CACNA1G: variants seen among roughly 807,000 people sequenced by gnomAD.
The protein encoded by CACNA1G is calcium voltage-gated channel subunit alpha1 G, also known as voltage-dependent T-type calcium channel subunit alpha-1G.
Under a neutral mutation model 219.4 loss-of-function variants are expected in CACNA1G, and 67 were observed. The ratio of observed to expected loss-of-function variants is 0.31; its 90% CI spans 0.25 to 0.37. The LOEUF is 0.37. CACNA1G is among the 10% of genes least tolerant of loss of function. The probability of loss-of-function intolerance (pLI) is 1.00; values close to 1 mark genes in which losing one functional copy is unlikely to be tolerated. For synonymous variants in CACNA1G, 1,296 were observed against 1,345.3 expected (o/e 0.96, Z 0.80); for missense variants, 2,380 against 3,231.4 (o/e 0.74, Z 6.39).
At chr17:50,583,769 G>C (rs577499320) in intron 9 of CACNA1G, among the ~76,000 whole-genome samples, 117 of 152,282 alleles carry the variant, frequency 7.7e-4, no homozygotes, top group African/African-American at 2.6e-3. Flanking sequence ...AGGACAGTCA[G>C]GTTTTCCTCC....
chr17:50,599,530 C>T lies in CACNA1G; in HGVS notation c.3361C>T (p.Arg1121Trp), dbSNP rs2046199315. ...NSLGRAPSLKRRSPSGERRSL... is the reference protein window; with the variant it reads ...NSLGRAPSLKWRSPSGERRSL... ...CCTCGGCCGTGCACCCAGCCTGAAG[C>T]GGAGAAGCCCAAGTGGAGAGCGGCG... is the stretch of plus-strand genomic sequence containing the variant. Residue 1121 changes from arginine (R) to tryptophan (W), a missense_variant, in exon 17 of 38, where the codon CGG (arginine) becomes TGG (tryptophan). Transcript: ENST00000359106. The T allele has an allele frequency of 1.9e-6, 3 of 1,611,796 alleles. No individual in the cohort carries two copies. The highest frequency in any genetic ancestry group is 2.2e-5 in the East Asian group (1 of 44,824).
At chr17:50,615,744 AG>A (rs1285064859) in intron 27 of CACNA1G, among the ~76,000 whole-genome samples, 1 of 152,256 alleles carries the variant, frequency 6.6e-6, no homozygotes, top group African/African-American at 2.4e-5. Flanking sequence ...AAGGGAGTGG[AG>A]GACCTGGTTT....
intron 13 of CACNA1G, 58 bp from the exon 14 acceptor site, chr17:50,594,935 T>C: frequency 1.5e-6 from 2 of 1,345,912 alleles, no homozygotes; most frequent in Non-Finnish European, 1.0e-6. Context: ...TGCCGATATC[T>C]GAAGGCCCCG....
In CACNA1G at chr17:50,596,904, C is replaced by G. The variant is rs1454817743; in HGVS notation, c.3239C>G (p.Ala1080Gly). Reference sequence around the variant, plus strand: ...AGCGGGTCGGCAGAGCCTGGGGCGGCCCACGAGATGAAGTCACCGGTAGGG... The same window carrying G: ...AGCGGGTCGGCAGAGCCTGGGGCGGGCCACGAGATGAAGTCACCGGTAGGG... ...SSSGSAEPGAAHEMKSPPSAR... is the reference protein window; with the variant it reads ...SSSGSAEPGAGHEMKSPPSAR... The change falls in exon 16 of 38, where the codon GCC becomes GGC. Residue 1080 changes from alanine to glycine, a missense_variant. Physicochemically the swap from Ala to Gly is moderately conservative, Grantham distance 60. This residue lies in a region of CACNA1G where 418 missense variants were observed against 434.3 expected (regional missense o/e 0.96). Coordinates refer to ENST00000359106, the MANE Select transcript of CACNA1G (RefSeq NM_018896.5). This position sits in a 1 kb window ranked among gnomAD's most constrained non-coding sequence, Gnocchi z 4.8. 4 of 1,565,900 alleles carry G rather than the reference C, an allele frequency of 2.6e-6. No homozygotes were observed. The African/African-American group carries it at 4.1e-5, about 16-fold the overall frequency.
chr17:50,624,324 T>TCCCCCCCCCCCCCCCCCCCGGC, intron 36 of CACNA1G, 36 bp from the exon 37 acceptor site: 2 of 1,177,664 alleles, frequency 1.7e-6, no homozygotes, highest in Non-Finnish European at 2.4e-6. Context: ...CTCCATTCTC[T>TCCCCCCCCCCCCCCCCCCCGGC]CCCCCCACCC....
Position 50,564,938 on chromosome 17 carries a change from C to T in CACNA1G, c.242+3237C>T, listed in dbSNP as rs537175578. 1.1e-4 allele frequency among the ~76,000 whole-genome samples: 16 copies of T among 152,264 alleles called. No homozygotes were observed. The South Asian group carries it at 2.1e-3, about 20-fold the overall frequency. The stretch of plus-strand genomic sequence containing the variant: ...GGTCACACACACATTCCTTCCCACC[C>T]GCTCTGCTCCACCGCTCTGCTGGGG... On this transcript the variant is annotated intron_variant, in intron 1 of 37. Transcript: ENST00000359106.
At position 50,604,166 on chromosome 17, in the gene CACNA1G, G is replaced by T; in HGVS notation, c.4181G>T (p.Arg1394Leu). Residue 1394 changes from arginine to leucine, a missense_variant, in exon 22 of 38, where the codon CGG becomes CTG. Around this residue, in one of 17 missense-constraint regions of CACNA1G, gnomAD observed 153 missense variants for 374.9 expected, o/e 0.41. Transcript: ENST00000359106. Reference sequence around the variant, plus strand: ...CCTCCCCTCCCCAGGGTGATCAGCCGGGCGCAGGGGCTGAAGCTGGTGGTG... The same window carrying T: ...CCTCCCCTCCCCAGGGTGATCAGCCTGGCGCAGGGGCTGAAGCTGGTGGTG... ...RTLRPLRVIS[R>L]AQGLKLVVET... The T allele has an allele frequency of 6.2e-7, 1 of 1,613,276 alleles. No individual in the cohort carries two copies. The highest frequency in any genetic ancestry group is 8.5e-7 in the Non-Finnish European group (1 of 1,179,420).
At chr17:50,616,423 G>A (rs2050616950) in intron 28 of CACNA1G, 39 bp downstream of exon 28, 2 of 1,213,558 alleles carry the variant, frequency 1.6e-6, no homozygotes, top group Non-Finnish European at 1.2e-6. Context: ...CTTGCGTAGA[G>A]ATAGAAAGGA....
In CACNA1G at chr17:50,561,277, C is replaced by T. The variant is rs2144138715; in HGVS notation, c.-183C>T. The T allele has an allele frequency of 1.6e-6, 1 of 630,394 alleles. No homozygotes were observed. The highest frequency in any genetic ancestry group is 3.2e-5 in the East Asian group (1 of 31,304). 39.1% of individuals were successfully genotyped at this position (630,394 alleles called of 1,614,324 possible). A position where few individuals can be genotyped will look rare whatever the true frequency, so the allele number is the denominator to read the frequency against. ...GGTTTCCCTGCGCCCCGGCGCCCCG[C>T]GGGCAGCATGCCCCTGCGGGCAGGG... On this transcript the variant is annotated 5_prime_UTR_variant, in exon 1 of 38. Transcript: ENST00000359106.
At chr17:50,607,032 C>G in intron 24 of CACNA1G, 43 bp downstream of exon 24, 1 of 1,437,104 alleles carries the variant, frequency 7.0e-7, no homozygotes, top group Non-Finnish European at 9.8e-7. Flanking sequence ...GCTCAGGTCA[C>G]TCAGCATGGG....
Position 50,626,196 on chromosome 17 carries a change from G to T in CACNA1G, c.6579G>T (p.Pro2193=), listed in dbSNP as rs57667003. ...SHSKISKHMT[P]PAPCPGPEPN... ...GCAAGATCTCCAAGCACATGACCCC[G>T]CCAGCCCCTTGCCCAGGCCCAGAAC... Residue 2193 remains proline (P), a synonymous_variant, in exon 38 of 38, where the codon CCG becomes CCT. Transcript: ENST00000359106. This position sits in a 1 kb window ranked among gnomAD's most constrained non-coding sequence, Gnocchi z 4.3. 1.1e-5 allele frequency: 17 copies of T among 1,613,746 alleles called. No individual in the cohort carries two copies. In the African/African-American group the frequency reaches 2.0e-4, roughly 19 times the overall value.
chr17:50,613,368 G>A (rs926838948), intron 26 of CACNA1G, among the ~76,000 whole-genome samples: 1 of 152,160 alleles, frequency 6.6e-6, no homozygotes, highest in Non-Finnish European at 1.5e-5. Context: ...CAGACCTCAG[G>A]GGCCGGGACC....
intron 13 of CACNA1G, among the ~76,000 whole-genome samples, 163 bp downstream of exon 13, chr17:50,592,255 C>T (rs968063742): frequency 6.6e-6 from 1 of 152,170 alleles, no homozygotes; most frequent in Non-Finnish European, 1.5e-5. Flanking sequence ...CGGGAGGCTC[C>T]AGATCTCGTG....
At chr17:50,582,378 G>A (rs930952133) in intron 9 of CACNA1G, among the ~76,000 whole-genome samples, 1 of 152,312 alleles carries the variant, frequency 6.6e-6, no homozygotes, top group African/African-American at 2.4e-5. Context: ...GAGGGCTGGG[G>A]AGAGCTGGCT....
chr17:50,568,802 GT>G, intron 1 of CACNA1G, 67 bp from the exon 2 acceptor site: 1 of 1,235,612 alleles, frequency 8.1e-7, no homozygotes. Flanking sequence ...AGGAGGAGGT[GT>G]TAGGGCGGGG....
At chr17:50,589,894 T>TTC (rs35679930) in intron 9 of CACNA1G, among the ~76,000 whole-genome samples, 3,318 of 138,892 alleles carry the variant, frequency 0.024, 63 homozygotes, top group African/African-American at 0.043. Context: ...GCGTGCATTT[T>TTC]TCTCTCTCTC....
Position 50,619,801 on chromosome 17 carries a change from C to A in CACNA1G, c.5900C>A (p.Pro1967His). The A allele has an allele frequency of 6.2e-7, 1 of 1,606,466 alleles. No individual in the cohort carries two copies. Among genetic ancestry groups the A allele is most frequent in the Non-Finnish European group, 8.5e-7 (1 of 1,178,318 alleles). ...CAGCCCTCTGCCTTCCCTTCTGCCC[C>A]CAGCCTGGGAGGCTCCGACCCACAG... ...GGQPSAFPSAPSLGGSDPQIP... is the reference protein window; with the variant it reads ...GGQPSAFPSAHSLGGSDPQIP... The change falls in exon 34 of 38, where the codon CCC becomes CAC. Residue 1967 changes from proline to histidine, a missense_variant. Physicochemically the swap from Pro to His is moderately conservative, Grantham distance 77. This residue lies in a region of CACNA1G where 672 missense variants were observed against 670.5 expected (regional missense o/e 1.00). Coordinates refer to ENST00000359106, the MANE Select transcript of CACNA1G (RefSeq NM_018896.5).
chr17:50,607,653 T>G lies in CACNA1G; in HGVS notation c.4513-174T>G. 8 of 599,584 alleles carry G rather than the reference T, an allele frequency of 1.3e-5. No individual in the cohort carries two copies. The South Asian group carries it at 1.7e-4, about 12-fold the overall frequency. The allele number at this position is 599,584 out of a possible 1,614,324, so 37.1% of individuals were successfully genotyped here. A position where few individuals can be genotyped will look rare whatever the true frequency, so the allele number is the denominator to read the frequency against. On this transcript the variant is annotated intron_variant, in intron 24 of 37. Transcript: ENST00000359106. ...TGGATGGAGAATCTACTCTCCCCTT[T>G]ACCACAGTCCCCGCCCCTCCCTACT...
chr17:50,593,645 G>A (rs965658310), intron 13 of CACNA1G, among the ~76,000 whole-genome samples: 2 of 152,236 alleles, frequency 1.3e-5, no homozygotes, highest in African/African-American at 4.8e-5. Flanking sequence ...GCCCCAGTGT[G>A]AGGGCTCAAC....
Sources: gnomAD v4.1 joint callset for allele counts (sites outside exome capture counted in the v4.1 genomes callset) on GRCh38, gnomAD v4.1.1 for gene constraint, gnomAD v4.1.1 regional missense constraint, Gnocchi (gnomAD v3.1) non-coding constraint, MANE v1.5 for transcripts, NCBI Gene and HGNC (gene_info 2026-07-23, HGNC 2026-07-21) for gene names.